Variants in MS4A4A observed in about 807,000 individuals in gnomAD.
MS4A4A encodes the protein membrane-spanning 4-domains subfamily A member 4A.
In MS4A4A, 26 loss-of-function variants were observed where a neutral mutation model predicts 28.0. The observed-to-expected ratio is 0.93, with a 90% confidence interval of 0.68 to 1.29. The LOEUF (loss-of-function observed/expected upper bound fraction) is 1.29. Among genes scored for constraint, MS4A4A ranks in the 50% most tolerant of loss-of-function variants. The probability of loss-of-function intolerance (pLI) is 0.00; values close to 1 mark genes in which losing one functional copy is unlikely to be tolerated. For synonymous variants in MS4A4A, 86 were observed against 100.8 expected, an observed-to-expected ratio of 0.85 and a Z score of 0.88; for missense variants, 290 against 293.1, an observed-to-expected ratio of 0.99 and a Z score of 0.08.
At chr11:60,281,064 G>C (rs2084751387) in intron 1 of MS4A4A, among the ~76,000 whole-genome samples, 2 of 152,152 alleles carry the variant, frequency 1.3e-5, no homozygotes, top group Non-Finnish European at 2.9e-5. Context: ...TACTGTTAAT[G>C]CCCTTCTTCT....
chr11:60,306,259 G>T (rs958755062), intron 6 of MS4A4A, 58 bp downstream of exon 6: 4 of 1,298,922 alleles, frequency 3.1e-6, no homozygotes, highest in Admixed American at 3.4e-5. Context: ...CTGTGTAATC[G>T]ATTACACACA....
At chr11:60,299,656 G>A (rs545012605) in intron 3 of MS4A4A, among the ~76,000 whole-genome samples, 162 of 151,806 alleles carry the variant, frequency 1.1e-3, no homozygotes, top group African/African-American at 3.6e-3. Flanking sequence ...TGTATTTTTA[G>A]TACAGACGGG....
At chr11:60,289,595 ATGTGTGTG>A (rs34230139) in intron 1 of MS4A4A, among the ~76,000 whole-genome samples, 1,308 of 128,052 alleles carry the variant, frequency 0.01, 18 homozygotes, top group African/African-American at 0.038. Context: ...GTGTGTGTGT[ATGTGTGTG>A]TGTGTGTGTG....
rs1435969712 is a variant in MS4A4A, at chr11:60,308,793, A to G, written c.*615A>G. 1 of 152,168 alleles carries G rather than the reference A, an allele frequency of 6.6e-6. No individual in the cohort carries two copies. Among genetic ancestry groups the G allele is most frequent in the East Asian group, 1.9e-4 (1 of 5,188 alleles). 9.4% of individuals were successfully genotyped at this position (152,168 alleles called of 1,614,324 possible). On this transcript the variant is annotated 3_prime_UTR_variant, in exon 7 of 7. Transcript: ENST00000337908. ...TGAGTAAAAGTATACATGGAGTAAA[A>G]ATCATATTAAGCATCAGATTCAACT... is the stretch of plus-strand genomic sequence containing the variant.
chr11:60,290,575 A>G lies in MS4A4A; in HGVS notation c.42-1650A>G, dbSNP rs537836687. ...ACTACTTCATTCACATTTACATTAT[A>G]TATTTCTTATTTATTATATTTGTCT... On this transcript the variant is annotated intron_variant, in intron 1 of 6. Transcript: ENST00000337908. Among the ~76,000 whole-genome samples, 6 of 151,992 alleles carry G rather than the reference A, an allele frequency of 3.9e-5. No homozygotes were observed. In the South Asian group the frequency reaches 1.2e-3, roughly 32 times the overall value.
At chr11:60,284,272 C>A (rs774726968) in intron 1 of MS4A4A, among the ~76,000 whole-genome samples, 3 of 152,180 alleles carry the variant, frequency 2.0e-5, no homozygotes, top group Non-Finnish European at 2.9e-5. Context: ...TAAACCAGTG[C>A]GTGTCACTTA....
At chr11:60,283,902 A>G (rs2084779375) in intron 1 of MS4A4A, among the ~76,000 whole-genome samples, 2 of 152,276 alleles carry the variant, frequency 1.3e-5, no homozygotes, top group Non-Finnish European at 2.9e-5. Flanking sequence ...AAATTCCATT[A>G]TCATTGGAAC....
intron 1 of MS4A4A, among the ~76,000 whole-genome samples, chr11:60,291,802 A>AC (rs1035496481): frequency 7.9e-5 from 12 of 151,674 alleles, no homozygotes; most frequent in African/African-American, 2.9e-4. Flanking sequence ...ATCTCAAAAA[A>AC]AAAAAACAAA....
chr11:60,308,215 T>A lies in MS4A4A; in HGVS notation c.*37T>A. The A allele has an allele frequency of 6.3e-7, 1 of 1,592,002 alleles. No individual in the cohort carries two copies. The highest frequency in any genetic ancestry group is 2.2e-5 in the East Asian group (1 of 44,774). Reference sequence around the variant, plus strand: ...GATCAACAGACAAATGCTCCAGAAATCTATGCTGACTGTGACACAAGAGCC... The same window carrying A: ...GATCAACAGACAAATGCTCCAGAAAACTATGCTGACTGTGACACAAGAGCC... On this transcript the variant is annotated 3_prime_UTR_variant, in exon 7 of 7. Transcript: ENST00000337908.
chr11:60,303,746 G>A (rs1211147206), intron 5 of MS4A4A, among the ~76,000 whole-genome samples: 3 of 151,990 alleles, frequency 2.0e-5, no homozygotes, highest in Admixed American at 2.0e-4. Flanking sequence ...TTGAACACCT[G>A]CAAATTTTTT....
At chr11:60,286,793 A>T (rs757734713) in intron 1 of MS4A4A, among the ~76,000 whole-genome samples, 4 of 152,194 alleles carry the variant, frequency 2.6e-5, no homozygotes, top group African/African-American at 4.8e-5. Flanking sequence ...CTCTTACAGC[A>T]TCTGGTTAGA....
At chr11:60,299,286 A>G (rs1023302158) in intron 3 of MS4A4A, among the ~76,000 whole-genome samples, 6 of 152,164 alleles carry the variant, frequency 3.9e-5, no homozygotes, top group Non-Finnish European at 7.3e-5. Flanking sequence ...TATTTTTCTT[A>G]TGTAATTATT....
intron 1 of MS4A4A, chr11:60,282,556 A>T (rs1399471032): frequency 1.6e-6 from 2 of 1,277,462 alleles, no homozygotes; most frequent in Admixed American, 5.2e-5. Context: ...GTGTGAGAAG[A>T]TTAGATGATG....
intron 6 of MS4A4A, among the ~76,000 whole-genome samples, chr11:60,307,434 T>C (rs952379905): frequency 1.3e-5 from 2 of 152,238 alleles, no homozygotes; most frequent in Non-Finnish European, 2.9e-5. Flanking sequence ...AGTAAAGCTT[T>C]TTATTTTCAT....
chr11:60,293,830 A>G (rs1369417039), intron 2 of MS4A4A, among the ~76,000 whole-genome samples: 3 of 152,064 alleles, frequency 2.0e-5, no homozygotes, highest in Non-Finnish European at 4.4e-5. Flanking sequence ...ATAATATTTC[A>G]TTGTCTAGAA....
chr11:60,296,455 G>A (rs1156992160), intron 2 of MS4A4A, among the ~76,000 whole-genome samples: 2 of 151,688 alleles, frequency 1.3e-5, no homozygotes, highest in Non-Finnish European at 2.9e-5. Context: ...TTCATGTTCT[G>A]TTTTCAATTT....
chr11:60,300,474 A>G (rs1160834864), intron 3 of MS4A4A, among the ~76,000 whole-genome samples: 5 of 151,968 alleles, frequency 3.3e-5, no homozygotes, highest in Non-Finnish European at 4.4e-5. Context: ...AAATTAGCCC[A>G]GCGTAGTGGC....
At chr11:60,281,828 A>G (rs1235406410) in intron 1 of MS4A4A, among the ~76,000 whole-genome samples, 4 of 152,180 alleles carry the variant, frequency 2.6e-5, no homozygotes, top group Admixed American at 2.6e-4. Flanking sequence ...GTATTTCTTA[A>G]GAGCCTGATG....
chr11:60,282,772 C>T (rs750788466), intron 1 of MS4A4A: 310 of 1,214,504 alleles, frequency 2.6e-4, no homozygotes, highest in Non-Finnish European at 3.1e-4. Context: ...CTGAAGTAGC[C>T]GAGCTTTTGT....
Sources: gnomAD v4.1 joint callset for allele counts (sites outside exome capture counted in the v4.1 genomes callset) on GRCh38, gnomAD v4.1.1 for gene constraint, MANE v1.5 for transcripts, NCBI Gene and HGNC (gene_info 2026-07-23, HGNC 2026-07-21) for gene names.